STK39: variants seen among roughly 807,000 people sequenced by gnomAD.
STK39 encodes serine/threonine kinase 39.
Under a neutral mutation model 77.8 loss-of-function variants are expected in STK39, and 20 were observed. The observed-to-expected ratio is 0.26, with a 90% CI of 0.18 to 0.37. STK39 has a LOEUF of 0.37. Ranked by LOEUF, STK39 falls within the 10% of genes least tolerant of loss-of-function variation. STK39 has a pLI of 1.00. For missense variants in STK39, 479 were observed against 656.5 expected (o/e 0.73, Z 2.95); for synonymous variants, 246 against 234.1 (o/e 1.05, Z -0.47).
intron 1 of STK39, among the ~76,000 whole-genome samples, chr2:168,184,930 C>T (rs1033915324): frequency 6.6e-6 from 1 of 152,178 alleles, no homozygotes; most frequent in Admixed American, 6.5e-5. Flanking sequence ...GACCTAACTG[C>T]ATAATTCTAA....
At chr2:167,981,671 T>C (rs1683422297) in intron 16 of STK39, among the ~76,000 whole-genome samples, 1 of 152,248 alleles carries the variant, frequency 6.6e-6, no homozygotes, top group South Asian at 2.1e-4. Context: ...TTATTATTAA[T>C]TGCTGCAAGA....
At chr2:168,192,641 C>T (rs964122989) in intron 1 of STK39, among the ~76,000 whole-genome samples, 1 of 152,112 alleles carries the variant, frequency 6.6e-6, no homozygotes, top group Non-Finnish European at 1.5e-5. Flanking sequence ...CTGCACATTG[C>T]TCAACTACAA....
intron 2 of STK39, 100 bp from the exon 3 acceptor site, chr2:168,167,507 G>C: frequency 9.9e-7 from 1 of 1,012,932 alleles, no homozygotes; most frequent in Admixed American, 2.0e-5. Flanking sequence ...TTTCCTACTC[G>C]AAAGCCTACC....
chr2:168,005,945 G>C (rs1684122554), intron 16 of STK39, among the ~76,000 whole-genome samples: 1 of 152,304 alleles, frequency 6.6e-6, no homozygotes, highest in South Asian at 2.1e-4. Flanking sequence ...TATCACTAAA[G>C]TAAGTTTTCC....
intron 14 of STK39, 25 bp from the exon 15 acceptor site, chr2:168,017,120 T>C: frequency 2.6e-6 from 4 of 1,543,972 alleles, no homozygotes; most frequent in Non-Finnish European, 2.6e-6. Context: ...ATATAATACA[T>C]TAAAGTCTAG....
chr2:168,096,758 G>A (rs1337057885), intron 10 of STK39, among the ~76,000 whole-genome samples: 1 of 152,162 alleles, frequency 6.6e-6, no homozygotes, highest in African/African-American at 2.4e-5. Context: ...GAAGAAAAAT[G>A]TAGCATTCAG....
chr2:168,179,384 T>G (rs983404221), intron 2 of STK39, among the ~76,000 whole-genome samples: 1 of 152,160 alleles, frequency 6.6e-6, no homozygotes, highest in Non-Finnish European at 1.5e-5. Flanking sequence ...CAGGCTATAC[T>G]CTGTAAATTC....
intron 1 of STK39, among the ~76,000 whole-genome samples, chr2:168,203,728 G>A (rs1157864017): frequency 6.6e-6 from 1 of 152,214 alleles, no homozygotes; most frequent in African/African-American, 2.4e-5. Context: ...AAGTAGCTGG[G>A]ACTACAGGAG....
chr2:168,245,090 A>G (rs1690863978), intron 1 of STK39, among the ~76,000 whole-genome samples: 1 of 152,232 alleles, frequency 6.6e-6, no homozygotes, highest in Admixed American at 6.5e-5. Context: ...TATGGACTCT[A>G]TGGAGAATTA....
intron 15 of STK39, among the ~76,000 whole-genome samples, chr2:168,015,536 C>A (rs147843746): frequency 6.6e-6 from 1 of 152,138 alleles, no homozygotes; most frequent in African/African-American, 2.4e-5. Context: ...AATCTAAATG[C>A]GGCAAAAGCG....
chr2:168,082,011 C>A (rs1320356261), intron 10 of STK39, among the ~76,000 whole-genome samples: 1 of 152,134 alleles, frequency 6.6e-6, no homozygotes, highest in Admixed American at 6.5e-5. Context: ...TCTTTATCAG[C>A]AGCGCAAAAA....
chr2:168,006,228 G>A (rs1684130374), intron 16 of STK39, among the ~76,000 whole-genome samples: 1 of 152,166 alleles, frequency 6.6e-6, no homozygotes, highest in African/African-American at 2.4e-5. Context: ...CCTCTGTATT[G>A]AGCCGTGCAG....
At chr2:167,983,835 A>G (rs1323797597) in intron 16 of STK39, among the ~76,000 whole-genome samples, 17 of 152,212 alleles carry the variant, frequency 1.1e-4, no homozygotes, top group Admixed American at 1.0e-3. Flanking sequence ...CTCCCATCCC[A>G]ACTTGAATAC....
chr2:168,127,204 G>A (rs1687566323), intron 10 of STK39, among the ~76,000 whole-genome samples: 1 of 152,208 alleles, frequency 6.6e-6, no homozygotes. Flanking sequence ...AGGCTGGAGT[G>A]CAGTGGCACA....
intron 16 of STK39, among the ~76,000 whole-genome samples, chr2:167,968,092 C>T (rs1043478745): frequency 1.5e-4 from 23 of 152,314 alleles, no homozygotes; most frequent in African/African-American, 5.5e-4. Context: ...CCTCCAGCTG[C>T]ATCCATGTCA....
intron 16 of STK39, among the ~76,000 whole-genome samples, chr2:167,965,857 C>T (rs1465169196): frequency 1.3e-5 from 2 of 151,990 alleles, no homozygotes; most frequent in Non-Finnish European, 2.9e-5. Context: ...AAGAAATCTG[C>T]GCAAGTTTTA....
At chr2:168,109,770 A>T (rs1232150364) in intron 10 of STK39, among the ~76,000 whole-genome samples, 2 of 152,210 alleles carry the variant, frequency 1.3e-5, no homozygotes, top group Non-Finnish European at 2.9e-5. Flanking sequence ...TTAGGGGTAA[A>T]ATGGAACATG....
At chr2:168,203,931 G>A (rs1413024508) in intron 1 of STK39, among the ~76,000 whole-genome samples, 1 of 152,174 alleles carries the variant, frequency 6.6e-6, no homozygotes, top group Non-Finnish European at 1.5e-5. Context: ...TGGTGTTGAC[G>A]TGATACTGAG....
At chr2:168,192,408 G>A (rs1056295732) in intron 1 of STK39, among the ~76,000 whole-genome samples, 1 of 152,084 alleles carries the variant, frequency 6.6e-6, no homozygotes, top group Non-Finnish European at 1.5e-5. Flanking sequence ...CAATAGCCAG[G>A]CTTTTAAAAA....
Sources: allele counts gnomAD v4.1 joint callset (sites outside exome capture counted in the v4.1 genomes callset), GRCh38; gene constraint gnomAD v4.1.1; transcripts MANE v1.5; gene names NCBI Gene and HGNC (gene_info 2026-07-23, HGNC 2026-07-21).